Variants in PTPRM observed in about 807,000 individuals in gnomAD.
PTPRM encodes the protein protein tyrosine phosphatase receptor type M.
Under a neutral mutation model 186.7 loss-of-function variants are expected in PTPRM, and 47 were observed. The ratio of observed to expected loss-of-function variants is 0.25; its 90% CI spans 0.20 to 0.32. The LOEUF (loss-of-function observed/expected upper bound fraction) is 0.32. PTPRM is among the 10% of genes least tolerant of loss of function. PTPRM has a pLI of 1.00. For missense variants in PTPRM, 1,494 were observed against 1,865.0 expected (o/e 0.80, Z 3.66); for synonymous variants, 668 against 674.9 (o/e 0.99, Z 0.16).
At chr18:7,667,673 A>G (rs2039127125) in intron 1 of PTPRM, among the ~76,000 whole-genome samples, 1 of 152,208 alleles carries the variant, frequency 6.6e-6, no homozygotes, top group Non-Finnish European at 1.5e-5. Context: ...CTTTTCGAAT[A>G]GCTCTTGTTA....
intron 7 of PTPRM, among the ~76,000 whole-genome samples, chr18:8,031,494 A>T (rs558471374): frequency 7.9e-5 from 12 of 152,348 alleles, no homozygotes; most frequent in African/African-American, 2.9e-4. Flanking sequence ...CCAGAAACAA[A>T]GCAGTCTGGA....
At chr18:7,788,139 G>A (rs2043177126) in intron 2 of PTPRM, among the ~76,000 whole-genome samples, 1 of 152,168 alleles carries the variant, frequency 6.6e-6, no homozygotes, top group Admixed American at 6.5e-5. Context: ...GGAAAAGAAA[G>A]AAGGGAAAAA....
intron 19 of PTPRM, among the ~76,000 whole-genome samples, chr18:8,278,790 A>G (rs1601603513): frequency 6.6e-6 from 1 of 152,120 alleles, no homozygotes; most frequent in Non-Finnish European, 1.5e-5. Context: ...GCGTATCCCA[A>G]TCAGCCCCAA....
intron 2 of PTPRM, among the ~76,000 whole-genome samples, chr18:7,836,342 C>A (rs1367951939): frequency 6.6e-6 from 1 of 152,112 alleles, no homozygotes; most frequent in Non-Finnish European, 1.5e-5. Flanking sequence ...AACAACACTG[C>A]ATAAACAAAC....
At chr18:8,119,678 T>G (rs2092098378) in intron 13 of PTPRM, among the ~76,000 whole-genome samples, 2 of 152,156 alleles carry the variant, frequency 1.3e-5, no homozygotes, top group Admixed American at 1.3e-4. Context: ...GCTTTCCAAA[T>G]TTATTTGATC....
At chr18:7,786,301 T>C (rs1454994554) in intron 2 of PTPRM, among the ~76,000 whole-genome samples, 5 of 152,212 alleles carry the variant, frequency 3.3e-5, no homozygotes, top group Non-Finnish European at 1.5e-5. Flanking sequence ...AAGTGTCTAA[T>C]TGGATATGTG....
At chr18:7,643,559 C>T (rs1388161646) in intron 1 of PTPRM, among the ~76,000 whole-genome samples, 3 of 152,044 alleles carry the variant, frequency 2.0e-5, no homozygotes, top group Non-Finnish European at 4.4e-5. Context: ...CCAGGATGGT[C>T]TCGATCTCCT....
At chr18:8,309,736 G>T (rs1213778769) in intron 20 of PTPRM, among the ~76,000 whole-genome samples, 1 of 152,020 alleles carries the variant, frequency 6.6e-6, no homozygotes, top group Non-Finnish European at 1.5e-5. Context: ...AAAATGTCAT[G>T]TTGCCCAGGC....
intron 7 of PTPRM, among the ~76,000 whole-genome samples, chr18:7,996,908 A>G (rs1158535828): frequency 6.6e-6 from 1 of 152,158 alleles, no homozygotes; most frequent in African/African-American, 2.4e-5. Context: ...ATGAAAAGAT[A>G]TTACATGTGT....
intron 2 of PTPRM, among the ~76,000 whole-genome samples, chr18:7,856,040 T>C (rs1217793892): frequency 1.3e-5 from 2 of 152,146 alleles, no homozygotes; most frequent in East Asian, 1.9e-4. Flanking sequence ...TATGAGATAA[T>C]TCAATGTGAA....
At chr18:8,378,768 A>T (rs2095712270) in intron 27 of PTPRM, among the ~76,000 whole-genome samples, 1 of 152,134 alleles carries the variant, frequency 6.6e-6, no homozygotes. Context: ...ACACCATGGA[A>T]GTGTGTGTTC....
At chr18:8,387,745 TGTGC>T (rs1266242669) in intron 31 of PTPRM, among the ~76,000 whole-genome samples, 8 of 95,358 alleles carry the variant, frequency 8.4e-5, no homozygotes, top group African/African-American at 2.0e-4. Flanking sequence ...AGTGTGTGTG[TGTGC>T]GTGTGTGCGT....
chr18:8,261,208 C>A (rs1328921386), intron 19 of PTPRM, among the ~76,000 whole-genome samples: 1 of 152,034 alleles, frequency 6.6e-6, no homozygotes, highest in Non-Finnish European at 1.5e-5. Flanking sequence ...GGATACAAAA[C>A]AAACAAAACA....
At chr18:8,403,429 G>A (rs561935842) in intron 32 of PTPRM, 3 of 152,232 alleles carry the variant, frequency 2.0e-5, no homozygotes, top group South Asian at 2.1e-4. Flanking sequence ...TATAACATTC[G>A]ATTGTAATCA....
chr18:8,374,368 CT>C (rs972469484), intron 24 of PTPRM, among the ~76,000 whole-genome samples: 2 of 152,240 alleles, frequency 1.3e-5, no homozygotes, highest in South Asian at 2.1e-4. Context: ...AGATATGCCC[CT>C]TTTTTCCCCT....
intron 13 of PTPRM, among the ~76,000 whole-genome samples, chr18:8,125,623 C>T (rs2092314483): frequency 6.6e-6 from 1 of 151,748 alleles, no homozygotes; most frequent in Admixed American, 6.6e-5. Context: ...TAAAAAAATG[C>T]TTTGCTAAGT....
At chr18:7,644,001 G>A (rs189273972) in intron 1 of PTPRM, among the ~76,000 whole-genome samples, 12 of 152,244 alleles carry the variant, frequency 7.9e-5, no homozygotes, top group African/African-American at 1.2e-4. Context: ...ATATAATAGT[G>A]TAATGGGAAT....
intron 14 of PTPRM, among the ~76,000 whole-genome samples, chr18:8,182,008 CTGCCTTTGATGCT>C (rs1481352943): frequency 6.6e-6 from 1 of 152,136 alleles, no homozygotes; most frequent in Non-Finnish European, 1.5e-5. Context: ...TAGGAGCTAG[CTGCCTTTGATGCT>C]TTCAGTTCTT....
intron 22 of PTPRM, among the ~76,000 whole-genome samples, chr18:8,323,841 C>A (rs1298040279): frequency 6.6e-6 from 1 of 152,084 alleles, no homozygotes; most frequent in African/African-American, 2.4e-5. Flanking sequence ...ATGTCCCTCA[C>A]CTTTGGAAGA....
Sources: allele counts gnomAD v4.1 joint callset (sites outside exome capture counted in the v4.1 genomes callset), GRCh38; gene constraint gnomAD v4.1.1; transcripts MANE v1.5; gene names NCBI Gene and HGNC (gene_info 2026-07-23, HGNC 2026-07-21).